SPOCK1: variants seen among roughly 807,000 people sequenced by gnomAD.
The protein encoded by SPOCK1 is SPARC (osteonectin), cwcv and kazal like domains proteoglycan 1, also known as testican-1.
Under a neutral mutation model 55.3 loss-of-function variants are expected in SPOCK1, and 23 were observed. The observed-to-expected ratio is 0.42, with a 90% confidence interval of 0.30 to 0.59. SPOCK1 has a LOEUF of 0.59. SPOCK1 is among the 20% of genes least tolerant of loss of function. The probability of loss-of-function intolerance (pLI) is 0.22; values close to 1 mark genes in which losing one functional copy is unlikely to be tolerated. For missense variants in SPOCK1, 499 were observed against 552.5 expected, an observed-to-expected ratio of 0.90 and a Z score of 0.97; for synonymous variants, 226 against 221.0, an observed-to-expected ratio of 1.02 and a Z score of -0.20.
At chr5:137,427,545 G>T (rs1028065369) in intron 2 of SPOCK1, among the ~76,000 whole-genome samples, 2 of 152,092 alleles carry the variant, frequency 1.3e-5, no homozygotes, top group South Asian at 2.1e-4. Flanking sequence ...CCAGGCCAAA[G>T]ATCTCAGAAC....
intron 4 of SPOCK1, among the ~76,000 whole-genome samples, chr5:137,132,617 C>CAGCTTCG (rs1753906723): frequency 6.6e-6 from 1 of 152,178 alleles, no homozygotes; most frequent in African/African-American, 2.4e-5. Flanking sequence ...CTACCATTCC[C>CAGCTTCG]AGCTTCGCAG....
chr5:137,101,227 AG>A (rs1753259860), intron 5 of SPOCK1, among the ~76,000 whole-genome samples: 1 of 152,264 alleles, frequency 6.6e-6, no homozygotes, highest in African/African-American at 2.4e-5. Flanking sequence ...TGATTTAATT[AG>A]GCTTATAGCA....
At chr5:137,265,131 G>A (rs565060040) in intron 3 of SPOCK1, among the ~76,000 whole-genome samples, 1 of 152,304 alleles carries the variant, frequency 6.6e-6, no homozygotes, top group East Asian at 1.9e-4. Flanking sequence ...CAGGTTTAAA[G>A]ACGGTGATTT....
At chr5:137,423,203 G>C (rs558412962) in intron 2 of SPOCK1, among the ~76,000 whole-genome samples, 2 of 152,214 alleles carry the variant, frequency 1.3e-5, no homozygotes, top group Admixed American at 1.3e-4. Flanking sequence ...CTACTGGGGG[G>C]TGCCTCCCAG....
chr5:137,248,163 G>T (rs1174409225), intron 3 of SPOCK1, among the ~76,000 whole-genome samples: 1 of 152,110 alleles, frequency 6.6e-6, no homozygotes, highest in Non-Finnish European at 1.5e-5. Flanking sequence ...CTATTCTTTT[G>T]ATCTCATTAC....
intron 2 of SPOCK1, among the ~76,000 whole-genome samples, chr5:137,470,204 A>C: frequency 6.6e-6 from 1 of 152,298 alleles, no homozygotes; most frequent in Middle Eastern, 3.4e-3. Flanking sequence ...CGGATTTGTG[A>C]GTGCATCCTC....
At chr5:137,335,778 C>T (rs529708531) in intron 2 of SPOCK1, among the ~76,000 whole-genome samples, 1 of 152,356 alleles carries the variant, frequency 6.6e-6, no homozygotes, top group Non-Finnish European at 1.5e-5. Context: ...TGCACACACA[C>T]CAGTCCCCTG....
At chr5:137,432,031 A>T (rs532193655) in intron 2 of SPOCK1, among the ~76,000 whole-genome samples, 2 of 152,222 alleles carry the variant, frequency 1.3e-5, no homozygotes, top group Admixed American at 1.3e-4. Context: ...AAGTAAATGC[A>T]AATCAAAACC....
At chr5:137,184,107 C>G (rs1755020457) in intron 3 of SPOCK1, among the ~76,000 whole-genome samples, 1 of 152,140 alleles carries the variant, frequency 6.6e-6, no homozygotes, top group African/African-American at 2.4e-5. Context: ...TTCTCCAGGA[C>G]AAGAACAAAT....
intron 3 of SPOCK1, among the ~76,000 whole-genome samples, chr5:137,217,140 T>C (rs1755732172): frequency 1.3e-5 from 2 of 152,204 alleles, no homozygotes; most frequent in South Asian, 4.1e-4. Context: ...CAAAACTCAG[T>C]TGACTGAAGA....
chr5:137,054,850 T>C lies in SPOCK1; in HGVS notation c.589+12865A>G, dbSNP rs1214525378. Among the ~76,000 whole-genome samples the C allele has an allele frequency of 3.9e-5, 6 of 152,308 alleles. No homozygotes were observed. The East Asian group carries it at 1.2e-3, about 29-fold the overall frequency. On this transcript the variant is annotated intron_variant, in intron 6 of 10. Transcript: ENST00000394945. Reference sequence around the variant, plus strand: ...ACCATACATTCGACAGATCCTATGCTGGGGATATAAAGATAAATTAGACAT... The same window carrying C: ...ACCATACATTCGACAGATCCTATGCCGGGGATATAAAGATAAATTAGACAT...
intron 2 of SPOCK1, among the ~76,000 whole-genome samples, chr5:137,271,336 C>A (rs1185752817): frequency 2.7e-5 from 4 of 149,506 alleles, no homozygotes; most frequent in Non-Finnish European, 4.4e-5. Flanking sequence ...AGATAAGCAT[C>A]AATGAAAAAG....
chr5:137,339,766 C>T (rs1580874439), intron 2 of SPOCK1, among the ~76,000 whole-genome samples: 1 of 152,056 alleles, frequency 6.6e-6, no homozygotes, highest in Non-Finnish European at 1.5e-5. Context: ...GCTTGGTGAA[C>T]CATGATTCTA....
intron 2 of SPOCK1, among the ~76,000 whole-genome samples, chr5:137,270,707 T>G (rs1022767761): frequency 6.6e-6 from 1 of 152,174 alleles, no homozygotes; most frequent in Non-Finnish European, 1.5e-5. Flanking sequence ...GGAACTCTCA[T>G]GAAAAGTTGA....
chr5:137,383,131 T>C (rs899199599), intron 2 of SPOCK1, among the ~76,000 whole-genome samples: 3 of 152,122 alleles, frequency 2.0e-5, no homozygotes, highest in African/African-American at 7.2e-5. Flanking sequence ...AGTCCTTAGA[T>C]TAGTCACTTA....
chr5:137,313,031 G>T (rs533096432), intron 2 of SPOCK1, among the ~76,000 whole-genome samples: 1 of 151,996 alleles, frequency 6.6e-6, no homozygotes, highest in African/African-American at 2.4e-5. Flanking sequence ...TGTCTTCCCC[G>T]TGCAGCTCCT....
intron 4 of SPOCK1, among the ~76,000 whole-genome samples, chr5:137,127,895 G>T (rs890303084): frequency 1.3e-5 from 2 of 152,214 alleles, no homozygotes; most frequent in Non-Finnish European, 2.9e-5. Flanking sequence ...AATGAATTAA[G>T]ACGTTTATGG....
intron 7 of SPOCK1, 144 bp from the exon 8 acceptor site, chr5:136,988,787 G>A: frequency 3.1e-6 from 2 of 640,294 alleles, no homozygotes; most frequent in Admixed American, 3.2e-5. Context: ...TACAGATTTA[G>A]TGGTTCTCTA....
chr5:137,478,784 C>A (rs1018615189), intron 2 of SPOCK1, among the ~76,000 whole-genome samples: 2 of 152,004 alleles, frequency 1.3e-5, no homozygotes, highest in Admixed American at 6.6e-5. Context: ...ACCCCCAACC[C>A]AAATTTGACT....
Sources: gnomAD v4.1 joint callset for allele counts (sites outside exome capture counted in the v4.1 genomes callset) on GRCh38, gnomAD v4.1.1 for gene constraint, MANE v1.5 for transcripts, NCBI Gene and HGNC (gene_info 2026-07-23, HGNC 2026-07-21) for gene names.